The following CDH13 variants were observed in gnomAD, a reference collection of about 807,000 sequenced individuals.
The protein encoded by CDH13 is cadherin-13.
A neutral mutation model predicts 63.8 loss-of-function variants in CDH13; 24 were observed. The observed-to-expected ratio is 0.38, with a 90% confidence interval of 0.27 to 0.53. The LOEUF (loss-of-function observed/expected upper bound fraction) is 0.53. Ranked by LOEUF, CDH13 falls within the 20% of genes least tolerant of loss-of-function variation. CDH13 has a pLI of 0.85. For missense variants in CDH13, 1,049 were observed against 903.1 expected (o/e 1.16, Z -2.07); for synonymous variants, 503 against 355.3 (o/e 1.42, Z -4.67).
At chr16:82,708,995 A>G (rs1055412468) in intron 1 of CDH13, among the ~76,000 whole-genome samples, 46 of 152,224 alleles carry the variant, frequency 3.0e-4, no homozygotes, top group African/African-American at 1.0e-3. Flanking sequence ...CATAGATTAG[A>G]GATTCTCATA....
At chr16:82,707,810 T>G (rs1349241475) in intron 1 of CDH13, among the ~76,000 whole-genome samples, 1 of 152,220 alleles carries the variant, frequency 6.6e-6, no homozygotes. Flanking sequence ...TGTGTGGTAT[T>G]CAAGGTTCTT....
At chr16:83,728,932 T>A in intron 10 of CDH13, 1 of 153,736 alleles carries the variant, frequency 6.5e-6, no homozygotes. Context: ...GAGGGCTCTC[T>A]TTCTGGCTTG....
At chr16:82,972,707 A>T (rs1297242942) in intron 2 of CDH13, among the ~76,000 whole-genome samples, 1 of 152,214 alleles carries the variant, frequency 6.6e-6, no homozygotes, top group East Asian at 1.9e-4. Context: ...GATTGGCACC[A>T]TTCCATGAAT....
chr16:83,367,107 C>T (rs1286837163), intron 6 of CDH13, among the ~76,000 whole-genome samples: 5 of 152,200 alleles, frequency 3.3e-5, no homozygotes, highest in African/African-American at 9.7e-5. Context: ...ATTCTGGGCT[C>T]ATTAACGATC....
At chr16:83,515,741 G>C (rs143958486) in intron 7 of CDH13, among the ~76,000 whole-genome samples, 83 of 152,234 alleles carry the variant, frequency 5.5e-4, no homozygotes, top group African/African-American at 1.9e-3. Flanking sequence ...CTCAATATTT[G>C]GTTGAATTCA....
chr16:82,793,796 A>T (rs1316840056), intron 1 of CDH13, among the ~76,000 whole-genome samples: 1 of 152,134 alleles, frequency 6.6e-6, no homozygotes, highest in Non-Finnish European at 1.5e-5. Context: ...ACAGATTAGA[A>T]GGCTTAGAGA....
chr16:83,333,823 G>A (rs1040039452), intron 5 of CDH13, among the ~76,000 whole-genome samples: 15 of 152,080 alleles, frequency 9.9e-5, no homozygotes, highest in Non-Finnish European at 4.4e-5. Context: ...ATTGTTAATG[G>A]TACCTACTTT....
At chr16:83,258,994 G>A (rs1906634324) in intron 5 of CDH13, among the ~76,000 whole-genome samples, 1 of 152,180 alleles carries the variant, frequency 6.6e-6, no homozygotes, top group African/African-American at 2.4e-5. Flanking sequence ...GGAGGCTTGT[G>A]TGCTATGTCA....
intron 2 of CDH13, among the ~76,000 whole-genome samples, chr16:82,936,225 C>G (rs752626005): frequency 1.3e-5 from 2 of 152,162 alleles, no homozygotes; most frequent in African/African-American, 2.4e-5. Context: ...TGCAGCTCAA[C>G]TTTACATTTT....
At chr16:83,112,329 A>G (rs141885608) in intron 3 of CDH13, among the ~76,000 whole-genome samples, 2 of 152,374 alleles carry the variant, frequency 1.3e-5, no homozygotes, top group Non-Finnish European at 2.9e-5. Context: ...TCCAGGCTCC[A>G]TCTATCCTAA....
chr16:82,749,799 T>A (rs1239630744), intron 1 of CDH13, among the ~76,000 whole-genome samples: 1 of 152,168 alleles, frequency 6.6e-6, no homozygotes, highest in East Asian at 1.9e-4. Flanking sequence ...CCTCCCTCAT[T>A]TTCTCCCTTC....
At position 82,915,276 on chromosome 16, in the gene CDH13, A is replaced by T. The variant is rs190914456; in HGVS notation, c.157+56803A>T. On this transcript the variant is annotated intron_variant, in intron 2 of 13. Coordinates refer to ENST00000567109, the MANE Select transcript of CDH13 (RefSeq NM_001257.5). ...TAATATCGCAAGAGTCTAATGTAAC[A>T]GGCTAATGCATGCCCTCCAGTTACA... Among the ~76,000 whole-genome samples the T allele has an allele frequency of 2.2e-3, 342 of 152,326 alleles. 1 individual carries two copies. The highest frequency in any genetic ancestry group is 7.9e-3 in the African/African-American group (327 of 41,568).
At chr16:82,762,854 G>A (rs1372434055) in intron 1 of CDH13, among the ~76,000 whole-genome samples, 1 of 152,160 alleles carries the variant, frequency 6.6e-6, no homozygotes, top group Non-Finnish European at 1.5e-5. Context: ...GGTGGTTTGG[G>A]TGGGCACTCT....
At chr16:82,733,619 G>T (rs1299777624) in intron 1 of CDH13, among the ~76,000 whole-genome samples, 1 of 152,118 alleles carries the variant, frequency 6.6e-6, no homozygotes, top group Admixed American at 6.6e-5. Context: ...AGAAAACTGA[G>T]GCTTAGTGAG....
intron 3 of CDH13, among the ~76,000 whole-genome samples, chr16:83,113,887 C>A (rs895411266): frequency 6.6e-6 from 1 of 152,168 alleles, no homozygotes; most frequent in African/African-American, 2.4e-5. Context: ...CCTGCTGGAT[C>A]TTCCTGGCCT....
chr16:83,091,491 C>G (rs750729554), intron 3 of CDH13, among the ~76,000 whole-genome samples: 4 of 152,168 alleles, frequency 2.6e-5, no homozygotes, highest in Non-Finnish European at 5.9e-5. Context: ...ATAATTCTGA[C>G]ATTAATTTCA....
rs540447943 is a variant in CDH13 at position 83,180,975 on chromosome 16, G to A, written c.484-36370G>A. 1.3e-4 allele frequency: 206 copies of A among 1,531,248 alleles called. No homozygotes were observed. The African/African-American group carries it at 1.8e-3, about 14-fold the overall frequency. 94.9% of individuals were successfully genotyped at this position (1,531,248 alleles called of 1,614,324 possible). On this transcript the variant is annotated intron_variant, in intron 4 of 13. Coordinates refer to ENST00000567109, the MANE Select transcript of CDH13 (RefSeq NM_001257.5). Reference sequence around the variant, plus strand: ...AGCAATTTAATGAACATCCTATTTGGCGACATTATTGCTTTAAAGGAATAA... The same window carrying A: ...AGCAATTTAATGAACATCCTATTTGACGACATTATTGCTTTAAAGGAATAA...
intron 5 of CDH13, among the ~76,000 whole-genome samples, chr16:83,225,072 G>C (rs1031481024): frequency 3.9e-5 from 6 of 152,150 alleles, no homozygotes; most frequent in African/African-American, 1.4e-4. Context: ...ATTGTTAGGT[G>C]CTTTCCCAGG....
intron 6 of CDH13, among the ~76,000 whole-genome samples, chr16:83,484,339 C>T (rs756663196): frequency 1.3e-5 from 2 of 152,180 alleles, no homozygotes; most frequent in Non-Finnish European, 2.9e-5. Context: ...TAGACATCTG[C>T]GGCTTTGATC....
Sources: allele counts gnomAD v4.1 joint callset (sites outside exome capture counted in the v4.1 genomes callset), GRCh38; gene constraint gnomAD v4.1.1; transcripts MANE v1.5; gene names NCBI Gene and HGNC (gene_info 2026-07-23, HGNC 2026-07-21).